NCAM2: variants seen among roughly 807,000 people sequenced by gnomAD.
NCAM2 encodes the protein neural cell adhesion molecule 2, also known as N-CAM-2.
A neutral mutation model predicts 98.1 loss-of-function variants in NCAM2; 30 were observed. The observed-to-expected ratio is 0.31, with a 90% CI of 0.23 to 0.41. The LOEUF is 0.41. NCAM2 is among the 10% of genes least tolerant of loss of function. The pLI, the probability that NCAM2 is intolerant of heterozygous loss-of-function variation, is 1.00. For synonymous variants in NCAM2, 368 were observed against 342.4 expected (o/e 1.07, Z -0.83); for missense variants, 867 against 1,005.8 (o/e 0.86, Z 1.87).
intron 11 of NCAM2, among the ~76,000 whole-genome samples, chr21:21,421,352 G>GT (rs5842921): frequency 1 from 152,036 of 152,036 alleles, 76,018 homozygotes; most frequent in Non-Finnish European, 1. Flanking sequence ...AAAAATTAAA[G>GT]TTTTCATCAA....
chr21:21,053,667 AT>A (rs963057502), intron 1 of NCAM2, among the ~76,000 whole-genome samples: 3 of 144,068 alleles, frequency 2.1e-5, no homozygotes, highest in Non-Finnish European at 3.1e-5. Flanking sequence ...TCATTTTTTC[AT>A]TTTTTTTGTC....
chr21:21,429,189 A>G (rs986293853), intron 11 of NCAM2, among the ~76,000 whole-genome samples: 1 of 152,206 alleles, frequency 6.6e-6, no homozygotes, highest in Non-Finnish European at 1.5e-5. Flanking sequence ...GGACTATATA[A>G]CTAGAAGAGA....
chr21:21,288,855 C>T (rs1356506253), intron 4 of NCAM2, among the ~76,000 whole-genome samples: 1 of 151,806 alleles, frequency 6.6e-6, no homozygotes, highest in African/African-American at 2.4e-5. Context: ...CTTGGAAATG[C>T]TCATCTTATT....
Position 21,016,880 on chromosome 21 carries a change from A to G in NCAM2, c.55+18262A>G, listed in dbSNP as rs183367016. Among the ~76,000 whole-genome samples, 27 of 152,284 alleles carry G rather than the reference A, an allele frequency of 1.8e-4. No homozygotes were observed. In the East Asian group the frequency reaches 5.0e-3, roughly 28 times the overall value. ...GCCTTTGAAGACCTGGGTGCCTCCC[A>G]CTACACAGTGCTTGGGGACTATAGT... On this transcript the variant is annotated intron_variant, in intron 1 of 17. Coordinates refer to ENST00000400546, the MANE Select transcript of NCAM2 (RefSeq NM_004540.5).
At chr21:21,403,597 T>G (rs1266898154) in intron 9 of NCAM2, among the ~76,000 whole-genome samples, 3 of 152,202 alleles carry the variant, frequency 2.0e-5, no homozygotes, top group African/African-American at 7.2e-5. Flanking sequence ...TAGACATAAA[T>G]TTTGATATTA....
At chr21:21,460,824 A>T (rs1305227834) in intron 12 of NCAM2, among the ~76,000 whole-genome samples, 1 of 151,840 alleles carries the variant, frequency 6.6e-6, no homozygotes, top group East Asian at 1.9e-4. Flanking sequence ...TTATATAGAG[A>T]TGTTATTAGG....
chr21:21,442,827 A>G (rs1376353442), intron 12 of NCAM2, among the ~76,000 whole-genome samples: 1 of 152,160 alleles, frequency 6.6e-6, no homozygotes, highest in African/African-American at 2.4e-5. Context: ...TGGCACTACT[A>G]AAAATAATAA....
intron 1 of NCAM2, among the ~76,000 whole-genome samples, chr21:21,276,837 A>G (rs912639196): frequency 6.6e-5 from 10 of 152,064 alleles, no homozygotes; most frequent in Non-Finnish European, 1.2e-4. Flanking sequence ...GTGCCCATTC[A>G]CCAAAATGTC....
intron 1 of NCAM2, among the ~76,000 whole-genome samples, chr21:21,158,604 C>T (rs1380740192): frequency 1.1e-4 from 7 of 61,398 alleles, no homozygotes; most frequent in Admixed American, 6.7e-4. Context: ...ACACCGTCCC[C>T]GCCCCCGCAA....
intron 11 of NCAM2, among the ~76,000 whole-genome samples, chr21:21,421,318 A>T (rs1395858340): frequency 6.9e-6 from 1 of 144,866 alleles, no homozygotes; most frequent in South Asian, 2.3e-4. Context: ...TAAATTACTG[A>T]GTTTTCTTCT....
At chr21:21,536,605 G>C (rs770051797) in intron 17 of NCAM2, among the ~76,000 whole-genome samples, 2 of 152,018 alleles carry the variant, frequency 1.3e-5, no homozygotes, top group African/African-American at 4.8e-5. Flanking sequence ...GGTCAGGCCG[G>C]TCTCCAACTC....
intron 1 of NCAM2, among the ~76,000 whole-genome samples, chr21:21,116,810 G>C (rs144797804): frequency 2.6e-5 from 4 of 151,672 alleles, no homozygotes; most frequent in African/African-American, 7.3e-5. Context: ...AGCCGAGATC[G>C]TGCCACTGCA....
intron 1 of NCAM2, among the ~76,000 whole-genome samples, chr21:21,192,237 A>G (rs2068846775): frequency 6.6e-6 from 1 of 152,034 alleles, no homozygotes; most frequent in Non-Finnish European, 1.5e-5. Context: ...ACAAAAAAAC[A>G]AAAACAAAAA....
intron 16 of NCAM2, among the ~76,000 whole-genome samples, chr21:21,509,653 T>C (rs191321703): frequency 6.6e-6 from 1 of 152,198 alleles, no homozygotes; most frequent in Non-Finnish European, 1.5e-5. Flanking sequence ...GTTAAGCAGA[T>C]ATAATTTTCA....
At chr21:21,068,458 ATTTTTTTTTTTTTTTT>A (rs566218063) in intron 1 of NCAM2, among the ~76,000 whole-genome samples, 1 of 112,460 alleles carries the variant, frequency 8.9e-6, no homozygotes, top group Non-Finnish European at 1.8e-5. Flanking sequence ...ATGGTATTGC[ATTTTTTTTTTTTTTTT>A]TTTGAGATGG....
At chr21:21,340,827 A>G (rs560209929) in intron 8 of NCAM2, among the ~76,000 whole-genome samples, 1 of 152,102 alleles carries the variant, frequency 6.6e-6, no homozygotes, top group African/African-American at 2.4e-5. Context: ...GCATGATAAA[A>G]TTGAGTTCAA....
intron 5 of NCAM2, among the ~76,000 whole-genome samples, 166 bp downstream of exon 5, chr21:21,292,407 A>G (rs997180355): frequency 4.6e-5 from 7 of 151,934 alleles, no homozygotes; most frequent in African/African-American, 1.7e-4. Context: ...ATTGTATTAC[A>G]GCCTCAAGGC....
At chr21:21,071,177 A>C (rs1339345995) in intron 1 of NCAM2, among the ~76,000 whole-genome samples, 1 of 152,208 alleles carries the variant, frequency 6.6e-6, no homozygotes, top group Non-Finnish European at 1.5e-5. Context: ...TGAGATCTTC[A>C]AGAAAGAGAA....
chr21:21,085,126 C>G (rs1226988635), intron 1 of NCAM2, among the ~76,000 whole-genome samples: 1 of 151,592 alleles, frequency 6.6e-6, no homozygotes, highest in Non-Finnish European at 1.5e-5. Context: ...TAAGTTAAAG[C>G]CTGTACAAAA....
Sources: gnomAD v4.1 joint callset for allele counts (sites outside exome capture counted in the v4.1 genomes callset) on GRCh38, gnomAD v4.1.1 for gene constraint, MANE v1.5 for transcripts, NCBI Gene and HGNC (gene_info 2026-07-23, HGNC 2026-07-21) for gene names.